The following MAP2K6 variants were observed in gnomAD, a reference collection of about 807,000 sequenced individuals.
MAP2K6 encodes dual specificity mitogen-activated protein kinase kinase 6.
A neutral mutation model predicts 53.7 loss-of-function variants in MAP2K6; 16 were observed. That is an observed-to-expected ratio of 0.30 (90% CI 0.20 to 0.45). The LOEUF (loss-of-function observed/expected upper bound fraction) is 0.45. Among genes scored for constraint, MAP2K6 ranks in the 20% least tolerant of loss-of-function variants. The probability of loss-of-function intolerance (pLI) is 1.00; values close to 1 mark genes in which losing one functional copy is unlikely to be tolerated. For missense variants in MAP2K6, 204 were observed against 411.9 expected (o/e 0.50, Z 4.37); for synonymous variants, 132 against 143.1 (o/e 0.92, Z 0.55).
At chr17:69,535,879 T>TAC (rs3216906) in intron 10 of MAP2K6, among the ~76,000 whole-genome samples, 41,737 of 147,462 alleles carry the variant, frequency 0.28, 6,160 homozygotes, top group East Asian at 0.51. Flanking sequence ...AAAAGGAAAG[T>TAC]ACACACACAC....
At chr17:69,504,871 C>T (rs1909378502) in intron 1 of MAP2K6, among the ~76,000 whole-genome samples, 1 of 152,156 alleles carries the variant, frequency 6.6e-6, no homozygotes, top group East Asian at 1.9e-4. Flanking sequence ...TTAATCCTTT[C>T]TGGAACAGGG....
chr17:69,450,478 A>G (rs886214148), intron 1 of MAP2K6, among the ~76,000 whole-genome samples: 3 of 152,154 alleles, frequency 2.0e-5, no homozygotes, highest in Non-Finnish European at 4.4e-5. Flanking sequence ...TGTTTCCACA[A>G]GTGCTTTTTT....
chr17:69,418,348 A>G (rs1567811328), intron 1 of MAP2K6, among the ~76,000 whole-genome samples: 1 of 152,178 alleles, frequency 6.6e-6, no homozygotes, highest in African/African-American at 2.4e-5. Context: ...TGTTTTTCAG[A>G]TTAGTGTTAC....
chr17:69,523,720 C>T, intron 8 of MAP2K6, 79 bp downstream of exon 8: 1 of 1,565,870 alleles, frequency 6.4e-7, no homozygotes, highest in Non-Finnish European at 8.8e-7. Context: ...TGGATGGCCA[C>T]AGAGGGAAAA....
intron 7 of MAP2K6, 169 bp downstream of exon 7, chr17:69,521,269 C>T (rs1456005472): frequency 2.0e-6 from 1 of 501,656 alleles, no homozygotes; most frequent in East Asian, 3.2e-5. Flanking sequence ...AGTAGTATTC[C>T]TTATCATGGC....
chr17:69,499,794 G>A (rs1909082574), intron 1 of MAP2K6, among the ~76,000 whole-genome samples: 5 of 152,308 alleles, frequency 3.3e-5, no homozygotes, highest in African/African-American at 7.2e-5. Flanking sequence ...GTGAGAAAAG[G>A]TTTGCGGGAA....
chr17:69,524,219 T>TA (rs1288774793), intron 8 of MAP2K6, among the ~76,000 whole-genome samples: 2 of 152,056 alleles, frequency 1.3e-5, no homozygotes, highest in African/African-American at 2.4e-5. Context: ...GTGAAAGAGA[T>TA]ACGTTATTTG....
At chr17:69,420,945 C>T (rs1420694761) in intron 1 of MAP2K6, among the ~76,000 whole-genome samples, 1 of 152,174 alleles carries the variant, frequency 6.6e-6, no homozygotes, top group African/African-American at 2.4e-5. Flanking sequence ...CATTTTGATT[C>T]CCAGTGCCTA....
intron 1 of MAP2K6, among the ~76,000 whole-genome samples, chr17:69,465,764 C>CA (rs1427649800): frequency 5.3e-5 from 8 of 151,610 alleles, no homozygotes; most frequent in Admixed American, 4.6e-4. Flanking sequence ...GGATTATAGA[C>CA]GTGTGCCACC....
chr17:69,447,271 G>A (rs11869161), intron 1 of MAP2K6, among the ~76,000 whole-genome samples: 56,781 of 151,914 alleles, frequency 0.37, 11,163 homozygotes, highest in Admixed American at 0.44. Context: ...GAGCCACCAC[G>A]CCCAGCCTAA....
Position 69,428,931 on chromosome 17 carries a change from AAC to A in MAP2K6, c.16+13958_16+13959del, listed in dbSNP as rs140138538. Reference sequence around the variant, plus strand: ...TAAACTGGGGTGTGTTAAATTAGAGAACACACACACACACACACACACACACA... The same window carrying A: ...TAAACTGGGGTGTGTTAAATTAGAGAACACACACACACACACACACACACA... On this transcript the variant is annotated intron_variant, in intron 1 of 11. Transcript: ENST00000590474. 5.3e-3 allele frequency among the ~76,000 whole-genome samples: 729 copies of A among 137,022 alleles called. 2 individuals are homozygous for A. Among genetic ancestry groups the A allele is most frequent in the East Asian group, 0.022 (106 of 4,892 alleles). 89.9% of individuals were successfully genotyped at this position (137,022 alleles called of 152,430 possible).
At chr17:69,463,937 T>C (rs906067366) in intron 1 of MAP2K6, among the ~76,000 whole-genome samples, 1 of 151,058 alleles carries the variant, frequency 6.6e-6, no homozygotes, top group African/African-American at 2.4e-5. Context: ...GAGAATCGCT[T>C]GAACCTGGGA....
intron 1 of MAP2K6, among the ~76,000 whole-genome samples, chr17:69,499,735 T>C (rs1163651464): frequency 2.0e-5 from 3 of 152,176 alleles, no homozygotes; most frequent in Non-Finnish European, 2.9e-5. Flanking sequence ...AAGTAATAAA[T>C]AAATGCAGAA....
chr17:69,466,837 G>A (rs911115205), intron 1 of MAP2K6, among the ~76,000 whole-genome samples: 1 of 152,134 alleles, frequency 6.6e-6, no homozygotes, highest in Non-Finnish European at 1.5e-5. Context: ...ATTCACTTAT[G>A]TTATCAGTTA....
At chr17:69,423,394 T>C (rs1906159795) in intron 1 of MAP2K6, among the ~76,000 whole-genome samples, 1 of 152,162 alleles carries the variant, frequency 6.6e-6, no homozygotes, top group Non-Finnish European at 1.5e-5. Flanking sequence ...AGCTGTCGAG[T>C]TGAGTAGTTG....
chr17:69,500,983 A>C (rs1319131968), intron 1 of MAP2K6, among the ~76,000 whole-genome samples: 3 of 152,130 alleles, frequency 2.0e-5, no homozygotes, highest in Non-Finnish European at 4.4e-5. Flanking sequence ...GTTGCTTTGC[A>C]TATGATGATT....
chr17:69,533,839 T>A (rs1911217444), intron 10 of MAP2K6, among the ~76,000 whole-genome samples: 1 of 151,794 alleles, frequency 6.6e-6, no homozygotes, highest in Non-Finnish European at 1.5e-5. Flanking sequence ...GCTCTTGAAC[T>A]TAGAAAGAAA....
At chr17:69,489,901 T>C (rs1908678257) in intron 1 of MAP2K6, among the ~76,000 whole-genome samples, 1 of 152,220 alleles carries the variant, frequency 6.6e-6, no homozygotes, top group Admixed American at 6.5e-5. Context: ...TGTGTTCTTT[T>C]GCTAGGCTAT....
intron 8 of MAP2K6, 105 bp downstream of exon 8, chr17:69,523,746 G>T: frequency 1.4e-6 from 2 of 1,390,910 alleles, no homozygotes; most frequent in Non-Finnish European, 2.0e-6. Flanking sequence ...ATGTACCTAA[G>T]ACTCCAGAAG....
Sources: gnomAD v4.1 joint callset for allele counts (sites outside exome capture counted in the v4.1 genomes callset) on GRCh38, gnomAD v4.1.1 for gene constraint, MANE v1.5 for transcripts, NCBI Gene and HGNC (gene_info 2026-07-23, HGNC 2026-07-21) for gene names.